The following SLC25A38 variants were observed in gnomAD, a reference collection of about 807,000 sequenced individuals.
SLC25A38 encodes mitochondrial glycine transporter.
SLC25A38 carries 27 observed loss-of-function variants against 33.4 expected under a neutral mutation model. The ratio of observed to expected loss-of-function variants is 0.81; its 90% confidence interval spans 0.60 to 1.11. The LOEUF is 1.11. Among genes scored for constraint, SLC25A38 ranks in the 50% most tolerant of loss-of-function variants. The pLI is 0.00. For synonymous variants in SLC25A38, 123 were observed against 145.9 expected, an observed-to-expected ratio of 0.84 and a Z score of 1.13; for missense variants, 344 against 388.8, an observed-to-expected ratio of 0.88 and a Z score of 0.97.
chr3:39,384,156 C>T (rs1418782206), intron 1 of SLC25A38, among the ~76,000 whole-genome samples: 1 of 152,220 alleles, frequency 6.6e-6, no homozygotes, highest in Non-Finnish European at 1.5e-5. Context: ...GTCACAAGGC[C>T]TGATAATAGC....
At chr3:39,386,632 G>A (rs898378180) in intron 1 of SLC25A38, among the ~76,000 whole-genome samples, 1 of 152,140 alleles carries the variant, frequency 6.6e-6, no homozygotes, top group African/African-American at 2.4e-5. Context: ...TGGATTAGAG[G>A]GGTCATATAG....
intron 5 of SLC25A38, among the ~76,000 whole-genome samples, chr3:39,393,790 TTC>T (rs1410164137): frequency 6.6e-6 from 1 of 152,212 alleles, no homozygotes; most frequent in Non-Finnish European, 1.5e-5. Flanking sequence ...TGTGGCCCAA[TTC>T]TTTAACCTAC....
At chr3:39,390,755 A>C (rs1013417895) in intron 3 of SLC25A38, among the ~76,000 whole-genome samples, 1 of 152,194 alleles carries the variant, frequency 6.6e-6, no homozygotes, top group Non-Finnish European at 1.5e-5. Context: ...CTAATGTCCC[A>C]CCTGTCAGAA....
rs749337754 is a variant in SLC25A38, at chr3:39,389,922, G to A, written c.191+306G>A. 4.6e-5 allele frequency among the ~76,000 whole-genome samples: 7 copies of A among 152,114 alleles called. No homozygotes were observed. Among genetic ancestry groups the A allele is most frequent in the Non-Finnish European group, 1.0e-4 (7 of 68,020 alleles). Reference sequence around the variant, plus strand: ...AGGGGATTTTCTGGAAATAACATCAGTATTATCTGTTTTTGTTTTTGTTTT... The same window carrying A: ...AGGGGATTTTCTGGAAATAACATCAATATTATCTGTTTTTGTTTTTGTTTT... On this transcript the variant is annotated intron_variant, in intron 2 of 6. Transcript: ENST00000650617. This position sits in a 1 kb window ranked among gnomAD's most constrained non-coding sequence, Gnocchi z 4.5.
intron 6 of SLC25A38, among the ~76,000 whole-genome samples, chr3:39,395,017 A>G (rs995375793): frequency 6.6e-6 from 1 of 152,178 alleles, no homozygotes; most frequent in African/African-American, 2.4e-5. Context: ...GCTCTAATAT[A>G]CAGGTGTCTA....
At chr3:39,394,099 C>T (rs893141172) in intron 5 of SLC25A38, among the ~76,000 whole-genome samples, 1 of 152,170 alleles carries the variant, frequency 6.6e-6, no homozygotes, top group Non-Finnish European at 1.5e-5. Flanking sequence ...ATTGTAATGT[C>T]TAAGTATCTT....
intron 6 of SLC25A38, among the ~76,000 whole-genome samples, 161 bp downstream of exon 6, chr3:39,394,737 G>A (rs1237623391): frequency 2.6e-5 from 4 of 151,996 alleles, no homozygotes; most frequent in Non-Finnish European, 4.4e-5. Flanking sequence ...TGTCTAGTGA[G>A]ATTTTTTTTT....
rs2041737167 is a variant in SLC25A38 at position 39,389,500 on chromosome 3, T to G, written c.75T>G (p.His25Gln). The G allele has an allele frequency of 6.2e-7, 1 of 1,614,178 alleles. No homozygotes were observed. The highest frequency in any genetic ancestry group is 1.7e-5 in the Admixed American group (1 of 60,024). The change falls in exon 2 of 7, where the codon CAT becomes CAG. Residue 25 changes from histidine to glutamine, a missense_variant. Coordinates refer to ENST00000650617, the MANE Select transcript of SLC25A38 (RefSeq NM_017875.4). The surrounding 1 kb of genome is among the most constrained non-coding windows in gnomAD (Gnocchi z 4.5). ...AATATTGTCTTATCCTGCAGTTACA[T>G]CCGGTGATCAAGGCTTTCCTGTGTG... The part of the protein sequence containing the change: ...VGDTVETLML[H>Q]PVIKAFLCGS...
chr3:39,396,007 G>A (rs772055363), intron 6 of SLC25A38, among the ~76,000 whole-genome samples: 2 of 151,918 alleles, frequency 1.3e-5, no homozygotes, highest in African/African-American at 2.4e-5. Flanking sequence ...TCAGGAGTTC[G>A]AGACCAGCCT....
At chr3:39,390,137 C>T (rs1243726757) in intron 2 of SLC25A38, among the ~76,000 whole-genome samples, 4 of 152,116 alleles carry the variant, frequency 2.6e-5, no homozygotes, top group African/African-American at 4.8e-5. Flanking sequence ...GATGGGGTTT[C>T]GCCATGTTGG....
chr3:39,388,227 C>T (rs2041725498), intron 1 of SLC25A38: 1 of 152,244 alleles, frequency 6.6e-6, no homozygotes, highest in African/African-American at 2.4e-5. Context: ...TAGATACAGA[C>T]TTGCTAAAAT....
Position 39,396,719 on chromosome 3 carries a change from A to T in SLC25A38, c.*199A>T. On this transcript the variant is annotated 3_prime_UTR_variant, in exon 7 of 7. Transcript: ENST00000650617. Reference sequence around the variant, plus strand: ...CAGCCTTCAGAATCTCCAAAAGAGGAGTCATCAATTCATAGAGCACACTAG... The same window carrying T: ...CAGCCTTCAGAATCTCCAAAAGAGGTGTCATCAATTCATAGAGCACACTAG... 1 of 799,174 alleles carries T rather than the reference A, an allele frequency of 1.3e-6. No individual in the cohort carries two copies. Among genetic ancestry groups the T allele is most frequent in the Non-Finnish European group, 2.0e-6 (1 of 493,574 alleles). 49.5% of individuals were successfully genotyped at this position (799,174 alleles called of 1,614,324 possible).
chr3:39,391,727 G>A, intron 4 of SLC25A38, 107 bp downstream of exon 4: 1 of 1,600,486 alleles, frequency 6.2e-7, no homozygotes, highest in Non-Finnish European at 8.6e-7. Context: ...CATAGAGTCT[G>A]ATGTGGTCAG....
intron 1 of SLC25A38, among the ~76,000 whole-genome samples, chr3:39,386,679 G>A (rs998512438): frequency 1.3e-5 from 2 of 152,206 alleles, no homozygotes; most frequent in African/African-American, 4.8e-5. Flanking sequence ...CCGTCACCAA[G>A]GCAAGAGATA....
Position 39,389,539 on chromosome 3 carries a change from G to T in SLC25A38, c.114G>T (p.Gly38=), listed in dbSNP as rs1174280358. 16 of 1,614,166 alleles carry T rather than the reference G, an allele frequency of 9.9e-6. No individual in the cohort carries two copies. The highest frequency in any genetic ancestry group is 1.4e-5 in the Non-Finnish European group (16 of 1,180,038). ...IKAFLCGSIS[G]TCSTLLFQPL... is the part of the protein sequence containing the mutation. ...CTTTCCTGTGTGGCTCCATCAGTGG[G>T]ACCTGCTCTACCCTCCTTTTCCAAC... Residue 38 remains glycine, a synonymous_variant, in exon 2 of 7, where the codon GGG becomes GGT. Transcript: ENST00000650617. This position sits in a 1 kb window ranked among gnomAD's most constrained non-coding sequence, Gnocchi z 4.5.
chr3:39,389,359 G>A lies in SLC25A38; in HGVS notation c.70-136G>A, dbSNP rs755154164. On this transcript the variant is annotated intron_variant, in intron 1 of 6. Coordinates refer to ENST00000650617, the MANE Select transcript of SLC25A38 (RefSeq NM_017875.4). This position sits in a 1 kb window ranked among gnomAD's most constrained non-coding sequence, Gnocchi z 4.5. Reference sequence around the variant, plus strand: ...TTCTGGCTATACTTTTTCCTTCTCCGAGGTATGAAGAAAACATGAGGCACC... The same window carrying A: ...TTCTGGCTATACTTTTTCCTTCTCCAAGGTATGAAGAAAACATGAGGCACC... 75 of 1,375,228 alleles carry A rather than the reference G, an allele frequency of 5.5e-5. No individual in the cohort carries two copies. The highest frequency in any genetic ancestry group is 2.1e-4 in the South Asian group (18 of 83,754). 85.2% of individuals were successfully genotyped at this position (1,375,228 alleles called of 1,614,324 possible). A position where few individuals can be genotyped will look rare whatever the true frequency, so the allele number is the denominator to read the frequency against.
intron 5 of SLC25A38, among the ~76,000 whole-genome samples, chr3:39,393,262 C>G (rs1328533405): frequency 6.6e-6 from 1 of 151,982 alleles, no homozygotes; most frequent in Non-Finnish European, 1.5e-5. Flanking sequence ...CTCCAGCACT[C>G]CAGCCTGGGT....
At chr3:39,387,146 A>C (rs964088632) in intron 1 of SLC25A38, among the ~76,000 whole-genome samples, 2 of 152,208 alleles carry the variant, frequency 1.3e-5, no homozygotes, top group African/African-American at 2.4e-5. Flanking sequence ...GAGTGGCCTA[A>C]GTATCCTGGA....
chr3:39,383,825 G>A, intron 1 of SLC25A38, 32 bp downstream of exon 1: 1 of 1,612,506 alleles, frequency 6.2e-7, no homozygotes, highest in South Asian at 1.1e-5. Context: ...AAGGGCAGGG[G>A]TCCGAACCGC....
Sources: gnomAD v4.1 joint callset for allele counts (sites outside exome capture counted in the v4.1 genomes callset) on GRCh38, gnomAD v4.1.1 for gene constraint, Gnocchi (gnomAD v3.1) non-coding constraint, MANE v1.5 for transcripts, NCBI Gene and HGNC (gene_info 2026-07-23, HGNC 2026-07-21) for gene names.